Variants in CCDC83 observed in about 807,000 individuals in gnomAD.
CCDC83 encodes the protein coiled-coil domain containing 83, also known as coiled-coil domain-containing protein 83.
A neutral mutation model predicts 50.1 loss-of-function variants in CCDC83; 54 were observed. The observed-to-expected ratio is 1.08, with a 90% CI of 0.87 to 1.35. The LOEUF is 1.35. Ranked by LOEUF, CCDC83 falls within the 40% of genes most tolerant of loss-of-function variation. The pLI, the probability that CCDC83 is intolerant of heterozygous loss-of-function variation, is 0.00. For synonymous variants in CCDC83, 161 were observed against 153.3 expected (o/e 1.05, Z -0.37); for missense variants, 518 against 473.9 (o/e 1.09, Z -0.86).
intron 6 of CCDC83, among the ~76,000 whole-genome samples, chr11:85,896,276 C>G (rs1476012599): frequency 6.6e-6 from 1 of 151,824 alleles, no homozygotes; most frequent in African/African-American, 2.4e-5. Flanking sequence ...AGTCCCAGCT[C>G]AGTAGTGCCA....
chr11:85,883,856 T>C (rs1036704698), intron 4 of CCDC83, among the ~76,000 whole-genome samples: 1 of 152,132 alleles, frequency 6.6e-6, no homozygotes. Context: ...AGACCAAACA[T>C]CAATAGGCAA....
chr11:85,889,266 G>A (rs2093340742), intron 5 of CCDC83, among the ~76,000 whole-genome samples: 2 of 152,186 alleles, frequency 1.3e-5, no homozygotes, highest in South Asian at 2.1e-4. Context: ...GTGGGAGGAC[G>A]ACCTGAGCCT....
At chr11:85,883,390 G>A (rs1411898210) in intron 4 of CCDC83, among the ~76,000 whole-genome samples, 3 of 151,434 alleles carry the variant, frequency 2.0e-5, no homozygotes, top group African/African-American at 4.9e-5. Context: ...CATGAAAAAT[G>A]TTTCTCCCAA....
rs192606846 is a variant in CCDC83, at chr11:85,885,021, G to T, written c.344-1179G>T. On this transcript the variant is annotated intron_variant, in intron 4 of 10. Coordinates refer to ENST00000342404, the MANE Select transcript of CCDC83 (RefSeq NM_001286159.2). ...AGGTCAGGAGTTCGAGACCAGCCTGGCCAACATAGTGAATGAAACCCTGTC... is the reference window on the plus strand; with the variant it reads ...AGGTCAGGAGTTCGAGACCAGCCTGTCCAACATAGTGAATGAAACCCTGTC... 3.6e-3 allele frequency among the ~76,000 whole-genome samples: 548 copies of T among 152,200 alleles called. 4 individuals carry two copies. The highest frequency in any genetic ancestry group is 0.013 in the African/African-American group (525 of 41,536).
intron 1 of CCDC83, among the ~76,000 whole-genome samples, chr11:85,863,910 T>C (rs1378378328): frequency 6.6e-6 from 1 of 152,232 alleles, no homozygotes; most frequent in Non-Finnish European, 1.5e-5. Context: ...ATGCCCTTTT[T>C]CTATATCTCA....
chr11:85,905,900 T>C (rs1429003972), intron 7 of CCDC83, among the ~76,000 whole-genome samples: 1 of 123,070 alleles, frequency 8.1e-6, no homozygotes, highest in Non-Finnish European at 1.6e-5. Context: ...TCCCGGGAGG[T>C]GGAGCTTGCA....
chr11:85,876,727 A>G (rs886570375), intron 3 of CCDC83, among the ~76,000 whole-genome samples: 1 of 151,798 alleles, frequency 6.6e-6, no homozygotes, highest in African/African-American at 2.4e-5. Context: ...CTGGTCTCAA[A>G]CTCTTGACCT....
rs368407830 is a variant in CCDC83 at position 85,917,192 on chromosome 11, G to GAAAGAGAA, written c.1080+960_1080+961insAAGAGAAA. On this transcript the variant is annotated intron_variant, in intron 10 of 10. Coordinates refer to ENST00000342404, the MANE Select transcript of CCDC83 (RefSeq NM_001286159.2). Reference sequence around the variant, plus strand: ...AGAAAGAAAGAAAGAAAGAAAGAAAGAGAAAGAAAGAAAGAAGGAAAGAAA... The same window carrying GAAAGAGAA: ...AGAAAGAAAGAAAGAAAGAAAGAAAGAAAGAGAAAGAAAGAAAGAAAGAAGGAAAGAAA... Among the ~76,000 whole-genome samples the GAAAGAGAA allele has an allele frequency of 1.8e-3, 142 of 79,796 alleles. 1 individual carries two copies. The highest frequency in any genetic ancestry group is 8.9e-3 in the East Asian group (32 of 3,580). The allele number at this position is 79,796 out of a possible 152,430, so 52.3% of individuals were successfully genotyped here.
At chr11:85,865,046 G>C (rs2093199063) in intron 1 of CCDC83, 50 bp from the exon 2 acceptor site, 1 of 900,522 alleles carries the variant, frequency 1.1e-6, no homozygotes, top group African/African-American at 1.7e-5. Context: ...AACAAAAGTA[G>C]GGAGGCAAAG....
At chr11:85,867,345 G>T (rs1290899499) in intron 2 of CCDC83, among the ~76,000 whole-genome samples, 1 of 151,722 alleles carries the variant, frequency 6.6e-6, no homozygotes, top group Non-Finnish European at 1.5e-5. Context: ...AAGGATTTTA[G>T]ATTTTAAAAT....
chr11:85,914,253 C>T (rs1334609606), intron 8 of CCDC83, among the ~76,000 whole-genome samples: 2 of 152,204 alleles, frequency 1.3e-5, no homozygotes, highest in Non-Finnish European at 2.9e-5. Flanking sequence ...ATTCACTTTA[C>T]TTGCTTAGCT....
chr11:85,862,700 T>G (rs184575008), intron 1 of CCDC83, among the ~76,000 whole-genome samples: 4 of 152,332 alleles, frequency 2.6e-5, no homozygotes, highest in Admixed American at 2.0e-4. Context: ...CACCCTTTAC[T>G]GAGAGAAATC....
chr11:85,856,187 A>G (rs374255605), intron 1 of CCDC83, among the ~76,000 whole-genome samples: 19,205 of 138,554 alleles, frequency 0.14, 1,378 homozygotes, highest in Middle Eastern at 0.19. Flanking sequence ...TCTAAGCCAA[A>G]AAAAAAAAAA....
intron 8 of CCDC83, among the ~76,000 whole-genome samples, chr11:85,911,688 C>CA (rs1243646521): frequency 2.0e-5 from 3 of 152,080 alleles, no homozygotes; most frequent in Non-Finnish European, 4.4e-5. Flanking sequence ...TCCAGACCAG[C>CA]AGGGGTAATG....
intron 1 of CCDC83, among the ~76,000 whole-genome samples, chr11:85,861,700 C>T (rs530345673): frequency 6.6e-6 from 1 of 152,222 alleles, no homozygotes; most frequent in African/African-American, 2.4e-5. Context: ...TTCACGCCTT[C>T]ACAAAGTCAT....
At chr11:85,899,377 G>T (rs2093390320) in intron 7 of CCDC83, among the ~76,000 whole-genome samples, 1 of 152,172 alleles carries the variant, frequency 6.6e-6, no homozygotes, top group Non-Finnish European at 1.5e-5. Context: ...TGTCTCTTTT[G>T]AATGACATGT....
chr11:85,910,401 T>C (rs918253017), intron 7 of CCDC83, among the ~76,000 whole-genome samples: 1 of 152,198 alleles, frequency 6.6e-6, no homozygotes, highest in South Asian at 2.1e-4. Context: ...ACAAACAATA[T>C]TTCATCTACC....
chr11:85,917,190 A>AAGAC (rs1565160105), intron 10 of CCDC83, among the ~76,000 whole-genome samples: 1 of 89,614 alleles, frequency 1.1e-5, no homozygotes, highest in Non-Finnish European at 2.3e-5. Flanking sequence ...GAAAGAAAGA[A>AAGAC]AGAGAAAGAA....
chr11:85,868,973 G>C (rs1040608308), intron 2 of CCDC83, among the ~76,000 whole-genome samples: 1 of 152,188 alleles, frequency 6.6e-6, no homozygotes, highest in African/African-American at 2.4e-5. Context: ...CAGCCTTATA[G>C]TATGAGCTCA....
Sources: gnomAD v4.1 joint callset for allele counts (sites outside exome capture counted in the v4.1 genomes callset) on GRCh38, gnomAD v4.1.1 for gene constraint, MANE v1.5 for transcripts, NCBI Gene and HGNC (gene_info 2026-07-23, HGNC 2026-07-21) for gene names.